The following LRMDA variants were observed in gnomAD, a reference collection of about 807,000 sequenced individuals.
LRMDA encodes leucine rich melanocyte differentiation associated.
Under a neutral mutation model 29.8 loss-of-function variants are expected in LRMDA, and 18 were observed. The ratio of observed to expected loss-of-function variants is 0.60; its 90% confidence interval spans 0.42 to 0.90. The LOEUF (loss-of-function observed/expected upper bound fraction) is 0.90. LRMDA is among the 40% of genes least tolerant of loss of function. LRMDA has a pLI of 0.00. For missense variants in LRMDA, 273 were observed against 273.9 expected, an observed-to-expected ratio of 1.00 and a Z score of 0.02; for synonymous variants, 125 against 109.4, an observed-to-expected ratio of 1.14 and a Z score of -0.89.
intron 2 of LRMDA, among the ~76,000 whole-genome samples, chr10:76,022,149 A>G (rs947169278): frequency 6.6e-5 from 10 of 152,152 alleles, no homozygotes; most frequent in Non-Finnish European, 1.5e-5. Context: ...AAGCACTGAA[A>G]TCTCATTAAC....
chr10:75,945,641 A>G (rs549350758), intron 2 of LRMDA, among the ~76,000 whole-genome samples: 3 of 152,270 alleles, frequency 2.0e-5, no homozygotes, highest in Admixed American at 6.5e-5. Flanking sequence ...TGTTTAATAT[A>G]AGCTACTCTA....
At chr10:75,693,167 G>A (rs2132163298) in intron 2 of LRMDA, among the ~76,000 whole-genome samples, 1 of 152,324 alleles carries the variant, frequency 6.6e-6, no homozygotes. Flanking sequence ...TTCGCTTGGA[G>A]AGAAACATTA....
chr10:75,686,154 G>T (rs1170516357), intron 2 of LRMDA, among the ~76,000 whole-genome samples: 1 of 152,206 alleles, frequency 6.6e-6, no homozygotes, highest in African/African-American at 2.4e-5. Context: ...GGCTGGCTTA[G>T]TCAGGGAGGA....
chr10:75,522,062 G>A (rs1437570052), intron 2 of LRMDA, among the ~76,000 whole-genome samples: 1 of 152,218 alleles, frequency 6.6e-6, no homozygotes, highest in Non-Finnish European at 1.5e-5. Context: ...CTGGGCAGCA[G>A]TGGTGGTGTC....
At chr10:76,024,993 A>G (rs905016320) in intron 2 of LRMDA, among the ~76,000 whole-genome samples, 2 of 151,906 alleles carry the variant, frequency 1.3e-5, no homozygotes, top group South Asian at 2.1e-4. Flanking sequence ...CACCGTGTCC[A>G]CTCTCACATC....
At position 76,548,214 on chromosome 10, in the gene LRMDA, T is replaced by C. The variant is rs563819386; in HGVS notation, c.602-8995T>C. ...CAAAAGCCAGTTGGAACCTTATTTT[T>C]CTCCGCTGTAAAATGAAAGAATTTA... On this transcript the variant is annotated intron_variant, in intron 6 of 6. Transcript: ENST00000611255. Among the ~76,000 whole-genome samples, 3 of 152,256 alleles carry C rather than the reference T, an allele frequency of 2.0e-5. No homozygotes were observed. In the South Asian group the frequency reaches 6.2e-4, roughly 32 times the overall value.
intron 2 of LRMDA, among the ~76,000 whole-genome samples, chr10:76,002,762 G>A (rs1332805218): frequency 6.6e-6 from 1 of 152,106 alleles, no homozygotes; most frequent in Non-Finnish European, 1.5e-5. Flanking sequence ...AGGCAAGGAG[G>A]GGCTCCTACA....
At chr10:76,200,002 C>T (rs760656945) in intron 5 of LRMDA, among the ~76,000 whole-genome samples, 19 of 152,322 alleles carry the variant, frequency 1.2e-4, no homozygotes, top group Non-Finnish European at 2.4e-4. Flanking sequence ...CACTCTGTCA[C>T]CCAGGCTGGA....
chr10:75,588,546 G>A (rs1270323785), intron 2 of LRMDA, among the ~76,000 whole-genome samples: 2 of 152,160 alleles, frequency 1.3e-5, no homozygotes, highest in African/African-American at 4.8e-5. Flanking sequence ...TTTTGGGCAT[G>A]CAGGTCTAAC....
At chr10:75,491,333 C>T (rs1844984530) in intron 2 of LRMDA, among the ~76,000 whole-genome samples, 1 of 152,300 alleles carries the variant, frequency 6.6e-6, no homozygotes, top group East Asian at 1.9e-4. Flanking sequence ...TGCACTCCAT[C>T]CCCCTGGGCG....
intron 1 of LRMDA, among the ~76,000 whole-genome samples, chr10:75,433,088 C>T (rs912979981): frequency 2.0e-5 from 3 of 151,098 alleles, no homozygotes; most frequent in African/African-American, 7.3e-5. Context: ...GGGAAAGGGG[C>T]TTTTTTTTTC....
At chr10:75,432,986 C>G (rs954937232) in intron 1 of LRMDA, among the ~76,000 whole-genome samples, 2 of 152,172 alleles carry the variant, frequency 1.3e-5, no homozygotes, top group Non-Finnish European at 2.9e-5. Flanking sequence ...GACCCACAGC[C>G]TGGGAGGAGA....
chr10:75,930,465 A>G (rs1457525595), intron 2 of LRMDA, among the ~76,000 whole-genome samples: 2 of 152,190 alleles, frequency 1.3e-5, no homozygotes, highest in Admixed American at 6.6e-5. Flanking sequence ...TATGTAATGT[A>G]TGACAGAGGT....
intron 2 of LRMDA, among the ~76,000 whole-genome samples, chr10:75,531,104 G>A (rs2132042955): frequency 6.6e-6 from 1 of 152,292 alleles, no homozygotes; most frequent in East Asian, 1.9e-4. Context: ...GTGTCTGTGT[G>A]TGCCAGGCAC....
At chr10:76,046,186 A>G (rs1201302949) in intron 3 of LRMDA, among the ~76,000 whole-genome samples, 3 of 152,190 alleles carry the variant, frequency 2.0e-5, no homozygotes, top group Admixed American at 1.3e-4. Context: ...AGGCATGCCT[A>G]TCTAACCATC....
rs368504602 is a variant in LRMDA at position 75,941,273 on chromosome 10, C to T, written c.132-94735C>T. ...AAGGCGAGTAAGCAAGTCTATTGCC[C>T]GTTGGCCTCCTGAGACACCTCTGAG... is the stretch of plus-strand genomic sequence containing the variant. On this transcript the variant is annotated intron_variant, in intron 2 of 6. Transcript: ENST00000611255. Among the ~76,000 whole-genome samples, 9 of 152,242 alleles carry T rather than the reference C, an allele frequency of 5.9e-5. No individual in the cohort carries two copies. The East Asian group carries it at 9.7e-4, about 16-fold the overall frequency.
At chr10:75,685,771 A>C (rs1842074180) in intron 2 of LRMDA, among the ~76,000 whole-genome samples, 1 of 152,234 alleles carries the variant, frequency 6.6e-6, no homozygotes, top group Non-Finnish European at 1.5e-5. Flanking sequence ...TTAGATAAGG[A>C]GTTTGAGCTG....
At chr10:76,324,528 G>C in intron 6 of LRMDA, 43 bp downstream of exon 6, 2 of 1,564,052 alleles carry the variant, frequency 1.3e-6, no homozygotes, top group Non-Finnish European at 1.8e-6. Context: ...GTGCAGGGAG[G>C]GACACTTGGC....
chr10:75,701,799 C>T (rs1294746685), intron 2 of LRMDA, among the ~76,000 whole-genome samples: 1 of 152,042 alleles, frequency 6.6e-6, no homozygotes, highest in Non-Finnish European at 1.5e-5. Context: ...TCTGGCCACT[C>T]TAATAGCCTC....
Sources: gnomAD v4.1 joint callset for allele counts (sites outside exome capture counted in the v4.1 genomes callset) on GRCh38, gnomAD v4.1.1 for gene constraint, MANE v1.5 for transcripts, NCBI Gene and HGNC (gene_info 2026-07-23, HGNC 2026-07-21) for gene names.